The following HDLBP variants were observed in gnomAD, a reference collection of about 807,000 sequenced individuals.
The protein encoded by HDLBP is vigilin.
A neutral mutation model predicts 137.3 loss-of-function variants in HDLBP; 30 were observed. That is an observed-to-expected ratio of 0.22 (90% CI 0.16 to 0.30). The LOEUF (loss-of-function observed/expected upper bound fraction) is 0.30. HDLBP is among the 10% of genes least tolerant of loss of function. HDLBP has a pLI of 1.00. For missense variants in HDLBP, 1,119 were observed against 1,667.3 expected, an observed-to-expected ratio of 0.67 and a Z score of 5.73; for synonymous variants, 606 against 596.0, an observed-to-expected ratio of 1.02 and a Z score of -0.24.
intron 24 of HDLBP, 122 bp from the exon 25 acceptor site, chr2:241,231,066 G>A: frequency 1.2e-6 from 1 of 827,050 alleles, no homozygotes. Context: ...CAACGTCACG[G>A]CTGATTTAAA....
rs548603966 is a variant in HDLBP, at chr2:241,252,893, G to A, written c.1372+64C>T. On this transcript the variant is annotated intron_variant, in intron 11 of 27. Coordinates refer to ENST00000310931, the MANE Select transcript of HDLBP (RefSeq NM_005336.6). The stretch of plus-strand genomic sequence containing the variant: ...CTGCACGGACGTCACAGTTCTCACA[G>A]CTGACACCCCCCACAAGGGTCTCAG... 5.8e-5 allele frequency: 64 copies of A among 1,112,688 alleles called. No individual in the cohort carries two copies. In the East Asian group the frequency reaches 1.5e-3, roughly 25 times the overall value. The allele number at this position is 1,112,688 out of a possible 1,614,324, so 68.9% of individuals were successfully genotyped here.
In HDLBP at chr2:241,298,078, AAAAAG is replaced by A. The variant is rs1430933416; in HGVS notation, c.-103+17487_-103+17491del. Among the ~76,000 whole-genome samples the A allele has an allele frequency of 4.6e-3, 300 of 64,988 alleles. 60 individuals are homozygous for A. Among genetic ancestry groups the A allele is most frequent in the East Asian group, 0.017 (15 of 896 alleles). 42.6% of individuals were successfully genotyped at this position (64,988 alleles called of 152,430 possible). ...AAAAAAAAAAAAAAAAAAAAAAAAA[AAAAAG>A]GGCCAGGCATGGTGGCTCATGCCTG... On this transcript the variant is annotated intron_variant, in intron 1 of 27. Transcript: ENST00000310931.
chr2:241,239,931 C>G lies in HDLBP; in HGVS notation c.2361G>C (p.Gln787His). The change falls in exon 18 of 28, where the codon CAG becomes CAC. Residue 787 changes from glutamine (Q) to histidine (H), a missense_variant. Transcript: ENST00000310931. This position sits in a 1 kb window ranked among gnomAD's most constrained non-coding sequence, Gnocchi z 4.6. ...TTTGGATCAAGGCCTCCAGCTCCTTCTGTGCCTCTCGGACGGCGTCCTCCT... is the reference window on the plus strand; with the variant it reads ...TTTGGATCAAGGCCTCCAGCTCCTTGTGTGCCTCTCGGACGGCGTCCTCCT... The part of the protein sequence containing the change: ...IGKEDAVREA[Q>H]KELEALIQNL... The G allele has an allele frequency of 6.2e-7, 1 of 1,614,228 alleles. No homozygotes were observed.
intron 1 of HDLBP, among the ~76,000 whole-genome samples, chr2:241,295,644 A>AAT (rs1365044566): frequency 6.6e-6 from 1 of 152,218 alleles, no homozygotes; most frequent in African/African-American, 2.4e-5. Context: ...AAAGATAGGG[A>AAT]ATCCCAATCC....
chr2:241,262,879 C>T lies in HDLBP; in HGVS notation c.282G>A (p.Gln94=), dbSNP rs2073314457. 8.7e-6 allele frequency: 14 copies of T among 1,614,204 alleles called. No homozygotes were observed. The highest frequency in any genetic ancestry group is 1.1e-5 in the Non-Finnish European group (13 of 1,180,020). ...LEERKYKDMN[Q]FGEGEQAKIC... is the part of the protein sequence containing the mutation. ...TTTTTGCTTGTTCACCTTCTCCAAACTGGTTCATATCCTTGTATTTTCTCT... is the reference window on the plus strand; with the variant it reads ...TTTTTGCTTGTTCACCTTCTCCAAATTGGTTCATATCCTTGTATTTTCTCT... The change falls in exon 5 of 28, where the codon CAG becomes CAA. Residue 94 remains glutamine, a synonymous_variant. Transcript: ENST00000310931.
In HDLBP at chr2:241,235,208, G is replaced by A. The variant is rs760722387; in HGVS notation, c.3057C>T (p.Ala1019=). The change falls in exon 23 of 28, where the codon GCC becomes GCT. Residue 1019 remains alanine, a synonymous_variant. Coordinates refer to ENST00000310931, the MANE Select transcript of HDLBP (RefSeq NM_005336.6). ...CCAAATTTGCAGCGAGGCCCGTGAT[G>A]GCGATGATGTCAGACTGCAGCTCAG... The part of the protein sequence containing the change: ...PAPELQSDII[A]ITGLAANLDR... The A allele has an allele frequency of 4.3e-6, 7 of 1,614,118 alleles. No homozygotes were observed. In the South Asian group the frequency reaches 4.4e-5, roughly 10 times the overall value.
chr2:241,310,413 C>T (rs7604465), intron 1 of HDLBP, among the ~76,000 whole-genome samples: 79,527 of 151,620 alleles, frequency 0.52, 21,661 homozygotes, highest in East Asian at 0.78. Context: ...TGACAGTAAT[C>T]TCATATGCTT....
At chr2:241,290,309 G>C (rs1236258544) in intron 1 of HDLBP, among the ~76,000 whole-genome samples, 1 of 152,146 alleles carries the variant, frequency 6.6e-6, no homozygotes, top group Non-Finnish European at 1.5e-5. Context: ...CTCTGTTTTA[G>C]AACCATAAAC....
intron 16 of HDLBP, among the ~76,000 whole-genome samples, chr2:241,246,389 C>A (rs866349226): frequency 2.6e-5 from 4 of 151,976 alleles, no homozygotes; most frequent in African/African-American, 7.3e-5. Context: ...TGTATACACA[C>A]GTCAAAACTA....
chr2:241,280,789 C>T (rs2074566359), intron 1 of HDLBP, among the ~76,000 whole-genome samples: 1 of 152,172 alleles, frequency 6.6e-6, no homozygotes, highest in African/African-American at 2.4e-5. Flanking sequence ...GGGGCCTTTT[C>T]TGCAAGTTGT....
At chr2:241,252,928 G>T (rs762162268) in intron 11 of HDLBP, 29 bp downstream of exon 11, 1 of 1,526,556 alleles carries the variant, frequency 6.6e-7, no homozygotes, top group Non-Finnish European at 9.1e-7. Context: ...GGGCACACTG[G>T]CCCCACCGCA....
intron 1 of HDLBP, among the ~76,000 whole-genome samples, chr2:241,279,752 C>T (rs1318992450): frequency 6.6e-6 from 1 of 152,178 alleles, no homozygotes; most frequent in Non-Finnish European, 1.5e-5. Flanking sequence ...AGCGAACGAT[C>T]CCACTTCTGG....
chr2:241,248,344 T>C lies in HDLBP; in HGVS notation c.1517A>G (p.Asn506Ser). The C allele has an allele frequency of 6.2e-7, 1 of 1,611,316 alleles. No individual in the cohort carries two copies. The highest frequency in any genetic ancestry group is 1.1e-5 in the South Asian group (1 of 91,020). Residue 506 changes from asparagine (N) to serine (S), a missense_variant, in exon 13 of 28, where the codon AAT becomes AGT. Around this residue, in one of 4 missense-constraint regions of HDLBP, gnomAD observed 425 missense variants for 693.9 expected, o/e 0.61. Coordinates refer to ENST00000310931, the MANE Select transcript of HDLBP (RefSeq NM_005336.6). ...AATGATTAGATCCTTGGTACGCTCATTTTCCTAAAAATACAATTAAAGTAG... is the reference window on the plus strand; with the variant it reads ...AATGATTAGATCCTTGGTACGCTCACTTTCCTAAAAATACAATTAAAGTAG... ...ELLELASRMENERTKDLIIEQ... is the reference protein window; with the variant it reads ...ELLELASRMESERTKDLIIEQ...
chr2:241,244,697 G>A (rs1300887552), intron 16 of HDLBP, among the ~76,000 whole-genome samples: 2 of 152,144 alleles, frequency 1.3e-5, no homozygotes, highest in South Asian at 2.1e-4. Flanking sequence ...TCAGACAGAA[G>A]GAAAATGAAG....
Position 241,272,761 on chromosome 2 carries a change from TCGTGGGCC to T in HDLBP, c.-102-4228_-102-4221del. 3.4e-6 allele frequency: 1 copy of T among 293,972 alleles called. No homozygotes were observed. 18.2% of individuals were successfully genotyped at this position (293,972 alleles called of 1,614,324 possible). A position where few individuals can be genotyped will look rare whatever the true frequency, so the allele number is the denominator to read the frequency against. On this transcript the variant is annotated intron_variant, in intron 1 of 27. Transcript: ENST00000310931. The surrounding 1 kb of genome is among the most constrained non-coding windows in gnomAD (Gnocchi z 5.6). Reference sequence around the variant, plus strand: ...TCCCAGCCCCGTGTTGCGCGCTCACTCGTGGGCCCCCGCCCGCTGGTCCTGCCGCTGGC... The same window carrying T: ...TCCCAGCCCCGTGTTGCGCGCTCACTCCCGCCCGCTGGTCCTGCCGCTGGC...
At position 241,239,892 on chromosome 2, in the gene HDLBP, G is replaced by A. The variant is rs143391993; in HGVS notation, c.2391+9C>T. ...CCAGCAGAGTCGGCCGCCGAGGCCC[G>A]CTCCCTACCAGGTTTTGGATCAAGG... On this transcript the variant is annotated intron_variant, in intron 18 of 27. Transcript: ENST00000310931. This position sits in a 1 kb window ranked among gnomAD's most constrained non-coding sequence, Gnocchi z 4.6. The A allele has an allele frequency of 9.7e-4, 1,568 of 1,613,176 alleles. 18 individuals carry two copies. The African/African-American group carries it at 0.018, about 18-fold the overall frequency.
At position 241,247,216 on chromosome 2, in the gene HDLBP, A is replaced by C. The variant is rs149326236; in HGVS notation, c.1732-74T>G. The stretch of plus-strand genomic sequence containing the variant: ...AAATACAGTATCCCTTCTACCCCTA[A>C]GGGTAGCATGAACACGACAGAGCAC... On this transcript the variant is annotated intron_variant, in intron 14 of 27. Transcript: ENST00000310931. 1.4e-4 allele frequency: 134 copies of C among 939,078 alleles called. No individual in the cohort carries two copies. The African/African-American group carries it at 1.7e-3, about 12-fold the overall frequency. 58.2% of individuals were successfully genotyped at this position (939,078 alleles called of 1,614,324 possible). A position where few individuals can be genotyped will look rare whatever the true frequency, so the allele number is the denominator to read the frequency against.
chr2:241,267,667 C>A, intron 2 of HDLBP: 1 of 1,535,720 alleles, frequency 6.5e-7, no homozygotes, highest in Non-Finnish European at 8.7e-7. Context: ...CAAACTAAAC[C>A]ACCTCCAAAT....
At chr2:241,287,372 G>A (rs527406051) in intron 1 of HDLBP, among the ~76,000 whole-genome samples, 47 of 151,502 alleles carry the variant, frequency 3.1e-4, no homozygotes, top group Admixed American at 2.2e-3. Flanking sequence ...CTCCCAAAGT[G>A]CTGGAATTAC....
Sources: gnomAD v4.1 joint callset for allele counts (sites outside exome capture counted in the v4.1 genomes callset) on GRCh38, gnomAD v4.1.1 for gene constraint, gnomAD v4.1.1 regional missense constraint, Gnocchi (gnomAD v3.1) non-coding constraint, MANE v1.5 for transcripts, NCBI Gene and HGNC (gene_info 2026-07-23, HGNC 2026-07-21) for gene names.